Variants in ZNF627 observed in about 807,000 individuals in gnomAD.
ZNF627 encodes the protein zinc finger protein 627.
In ZNF627, 12 loss-of-function variants were observed where a neutral mutation model predicts 10.6. That is an observed-to-expected ratio of 1.13 (90% CI 0.73 to 1.84). The LOEUF (loss-of-function observed/expected upper bound fraction) is 1.84. ZNF627 is among the 40% of genes most tolerant of loss of function. ZNF627 has a pLI of 0.00. For synonymous variants in ZNF627, 176 were observed against 187.1 expected (o/e 0.94, Z 0.48); for missense variants, 504 against 568.4 (o/e 0.89, Z 1.15).
chr19:11,597,948 G>A (rs780166670), intron 1 of ZNF627, among the ~76,000 whole-genome samples: 11 of 152,216 alleles, frequency 7.2e-5, no homozygotes, highest in Non-Finnish European at 1.6e-4. Context: ...CCACAGTCCC[G>A]CCTTTCTCCC....
At position 11,616,703 on chromosome 19, in the gene ZNF627, C is replaced by A; in HGVS notation, c.200C>A (p.Pro67Gln). Reference protein sequence around the residue: ...KIPRRNISHIPERLCESKEGG... With the variant: ...KIPRRNISHIQERLCESKEGG... ...CTCATTTTTCTGACAAGTCATATTC[C>A]AGAGAGACTCTGTGAAAGTAAAGAA... Residue 67 changes from proline to glutamine, a missense_variant, in exon 4 of 4, where the codon CCA (proline) becomes CAA (glutamine). Pro to Gln is a moderately conservative substitution (Grantham distance 76, BLOSUM62 -1). Coordinates refer to ENST00000361113, the MANE Select transcript of ZNF627 (RefSeq NM_145295.4). The A allele has an allele frequency of 6.3e-7, 1 of 1,578,448 alleles. No individual in the cohort carries two copies. The highest frequency in any genetic ancestry group is 8.6e-7 in the Non-Finnish European group (1 of 1,163,388).
chr19:11,615,931 C>A (rs1257791933), intron 3 of ZNF627, among the ~76,000 whole-genome samples: 1 of 150,736 alleles, frequency 6.6e-6, no homozygotes, highest in East Asian at 2.0e-4. Context: ...GTTGGCCAGG[C>A]TGGTCTTGAA....
intron 1 of ZNF627, among the ~76,000 whole-genome samples, chr19:11,605,214 C>G (rs971839326): frequency 2.7e-5 from 4 of 150,692 alleles, no homozygotes; most frequent in Admixed American, 2.0e-4. Context: ...TCCCAAGTAG[C>G]TGGGGTTACA....
intron 1 of ZNF627, among the ~76,000 whole-genome samples, chr19:11,608,868 CTTA>C (rs761549584): frequency 1.3e-5 from 2 of 151,732 alleles, no homozygotes; most frequent in Admixed American, 6.6e-5. Flanking sequence ...ATTACAATAA[CTTA>C]TTATTATTAT....
Position 11,617,615 on chromosome 19 carries a change from C to A in ZNF627, c.1112C>A (p.Ala371Asp). The change falls in exon 4 of 4, where the codon GCC (alanine) becomes GAC (aspartate). Residue 371 changes from alanine (A) to aspartate (D), a missense_variant. Coordinates refer to ENST00000361113, the MANE Select transcript of ZNF627 (RefSeq NM_145295.4). ...KPYDCKQCGK[A>D]FSCSSSFRKH... ...TATGATTGTAAGCAATGTGGGAAAG[C>A]CTTCAGTTGTTCCAGTTCGTTTCGA... The A allele has an allele frequency of 1.9e-6, 3 of 1,613,872 alleles. No individual in the cohort carries two copies. Among genetic ancestry groups the A allele is most frequent in the Non-Finnish European group, 2.5e-6 (3 of 1,179,954 alleles).
At chr19:11,606,302 A>C (rs1035479048) in intron 1 of ZNF627, among the ~76,000 whole-genome samples, 3 of 151,474 alleles carry the variant, frequency 2.0e-5, no homozygotes, top group Non-Finnish European at 4.4e-5. Flanking sequence ...ATGCCACTGC[A>C]CTCCAGTCTG....
intron 1 of ZNF627, among the ~76,000 whole-genome samples, chr19:11,612,375 C>T (rs1220698931): frequency 1.3e-5 from 2 of 150,256 alleles, no homozygotes; most frequent in Admixed American, 6.7e-5. Flanking sequence ...CTGCCTCGGC[C>T]TCCCAAAGTG....
intron 1 of ZNF627, among the ~76,000 whole-genome samples, chr19:11,600,883 C>A (rs1187422263): frequency 6.6e-6 from 1 of 152,162 alleles, no homozygotes; most frequent in Non-Finnish European, 1.5e-5. Context: ...AGGATGGATA[C>A]TTTTACTTTT....
chr19:11,610,082 T>A (rs937434255), intron 1 of ZNF627, among the ~76,000 whole-genome samples: 12 of 147,618 alleles, frequency 8.1e-5, no homozygotes, highest in Non-Finnish European at 1.5e-4. Flanking sequence ...GACGGAGTCT[T>A]GCTTTGTTGC....
At chr19:11,605,394 A>C (rs1012603486) in intron 1 of ZNF627, among the ~76,000 whole-genome samples, 1 of 152,090 alleles carries the variant, frequency 6.6e-6, no homozygotes, top group African/African-American at 2.4e-5. Flanking sequence ...CATGCTGCTA[A>C]TAAAGACATA....
intron 1 of ZNF627, among the ~76,000 whole-genome samples, chr19:11,607,505 G>C (rs1973695353): frequency 6.6e-6 from 1 of 152,072 alleles, no homozygotes; most frequent in Non-Finnish European, 1.5e-5. Flanking sequence ...CCTCTTGAAT[G>C]CTTTGCCGCT....
intron 1 of ZNF627, among the ~76,000 whole-genome samples, chr19:11,605,911 A>G (rs1298034153): frequency 2.0e-5 from 3 of 152,224 alleles, no homozygotes; most frequent in Non-Finnish European, 4.4e-5. Flanking sequence ...ATCAAAAACA[A>G]GTTAGCTACT....
intron 1 of ZNF627, among the ~76,000 whole-genome samples, chr19:11,608,035 T>G (rs1170030328): frequency 6.6e-6 from 1 of 152,192 alleles, no homozygotes; most frequent in Non-Finnish European, 1.5e-5. Context: ...ACATACAGTT[T>G]AGCATGGCTG....
At chr19:11,597,728 C>T (rs1973514743) in intron 1 of ZNF627, 98 bp downstream of exon 1, 2 of 1,249,562 alleles carry the variant, frequency 1.6e-6, no homozygotes, top group South Asian at 3.5e-5. Flanking sequence ...CCTGCGGCGA[C>T]TCCGGGGTCT....
intron 1 of ZNF627, among the ~76,000 whole-genome samples, chr19:11,614,276 G>T (rs1050603942): frequency 1.3e-5 from 2 of 152,170 alleles, no homozygotes; most frequent in Admixed American, 1.3e-4. Context: ...GACATTAGGG[G>T]TGGCCCAGGC....
At chr19:11,604,136 C>G (rs1973635278) in intron 1 of ZNF627, 1 of 152,030 alleles carries the variant, frequency 6.6e-6, no homozygotes, top group African/African-American at 2.4e-5. Context: ...TGATGATGAT[C>G]AGAATTGGTG....
intron 1 of ZNF627, among the ~76,000 whole-genome samples, chr19:11,610,018 T>C: frequency 6.6e-6 from 1 of 151,532 alleles, no homozygotes; most frequent in East Asian, 1.9e-4. Context: ...TTCTTTATGA[T>C]TTTGTTTTTG....
intron 1 of ZNF627, among the ~76,000 whole-genome samples, chr19:11,605,386 T>G (rs755621542): frequency 6.6e-6 from 1 of 152,134 alleles, no homozygotes. Flanking sequence ...TCTGTTTTCA[T>G]GCTGCTAATA....
chr19:11,614,637 G>A lies in ZNF627; in HGVS notation c.114G>A (p.Arg38=). ...GGGATGTGATGCGGGAAACCTTCAG[G>A]AACCTGGCTTCTGTAGGTAAGGGTG... is the stretch of plus-strand genomic sequence containing the variant. The part of the protein sequence containing the change: ...LYRDVMRETF[R]NLASVGKQWE... The change falls in exon 2 of 4, where the codon AGG becomes AGA. Residue 38 remains arginine (R), a synonymous_variant. Coordinates refer to ENST00000361113, the MANE Select transcript of ZNF627 (RefSeq NM_145295.4). 3.1e-6 allele frequency: 5 copies of A among 1,613,868 alleles called. No individual in the cohort carries two copies. The highest frequency in any genetic ancestry group is 4.2e-6 in the Non-Finnish European group (5 of 1,179,974).
Sources: allele counts gnomAD v4.1 joint callset (sites outside exome capture counted in the v4.1 genomes callset), GRCh38; gene constraint gnomAD v4.1.1; transcripts MANE v1.5; gene names NCBI Gene and HGNC (gene_info 2026-07-23, HGNC 2026-07-21).